Variants in ZNF334 observed in about 807,000 individuals in gnomAD.
ZNF334 encodes the protein zinc finger protein 334.
Under a neutral mutation model 12.4 loss-of-function variants are expected in ZNF334, and 14 were observed. That is an observed-to-expected ratio of 1.13 (90% CI 0.74 to 1.76). ZNF334 has a LOEUF of 1.76. ZNF334 is among the 40% of genes most tolerant of loss of function. The pLI is 0.00. For missense variants in ZNF334, 797 were observed against 804.5 expected (o/e 0.99, Z 0.11); for synonymous variants, 273 against 269.6 (o/e 1.01, Z -0.12).
the ZNF334 span, chr20:46,474,580 C>T: frequency 6.6e-6 from 1 of 152,122 alleles, no homozygotes; most frequent in Non-Finnish European, 1.5e-5. Flanking sequence ...TGATCCAAAT[C>T]CACATCTGTA....
chr20:46,483,404 C>T, the ZNF334 span, among the ~76,000 whole-genome samples: 1 of 151,714 alleles, frequency 6.6e-6, no homozygotes, highest in African/African-American at 2.4e-5. Flanking sequence ...AGATTTTTCT[C>T]CTTTATAAGG....
At chr20:46,483,766 C>T in the ZNF334 span, among the ~76,000 whole-genome samples, 6 of 152,112 alleles carry the variant, frequency 3.9e-5, no homozygotes, top group Admixed American at 3.9e-4. Context: ...GACTCTGCAC[C>T]CTGGCAAGAA....
the ZNF334 span, among the ~76,000 whole-genome samples, chr20:46,468,254 C>T: frequency 6.6e-6 from 1 of 151,524 alleles, no homozygotes; most frequent in African/African-American, 2.4e-5. Flanking sequence ...CTCAGGGACA[C>T]TTCCGCAGTT....
chr20:46,469,470 G>A, the ZNF334 span, among the ~76,000 whole-genome samples: 1,048 of 151,054 alleles, frequency 6.9e-3, 16 homozygotes, highest in African/African-American at 0.024. Context: ...CCAGGTTCAC[G>A]CCATTCTCCT....
chr20:46,462,791 T>C, the ZNF334 span, among the ~76,000 whole-genome samples: 1 of 152,216 alleles, frequency 6.6e-6, no homozygotes, highest in Non-Finnish European at 1.5e-5. Context: ...AAACCAAGTT[T>C]CTCTACTAAG....
Position 46,507,478 on chromosome 20 carries a change from T to C in ZNF334, c.22-2738A>G, listed in dbSNP as rs145483853. ...ATTTGAATACGATAGATAATAATACTGTATTCATGTGAATTTCCTGGTTCT... is the reference window on the plus strand; with the variant it reads ...ATTTGAATACGATAGATAATAATACCGTATTCATGTGAATTTCCTGGTTCT... On this transcript the variant is annotated intron_variant, in intron 2 of 4. Transcript: ENST00000692313. Among the ~76,000 whole-genome samples, 175 of 152,354 alleles carry C rather than the reference T, an allele frequency of 1.1e-3. 1 individual carries two copies. The highest frequency in any genetic ancestry group is 3.5e-3 in the African/African-American group (147 of 41,578).
chr20:46,501,527 T>G lies in ZNF334; in HGVS notation c.1812A>C (p.Glu604Asp). ...HTGEKPYECNECGKSFCHKSA... is the reference protein window; with the variant it reads ...HTGEKPYECNDCGKSFCHKSA... ...ACTTATGGCAGAAGGATTTCCCACA[T>G]TCATTACATTCATATGGTTTCTCCC... Residue 604 changes from glutamate to aspartate, a missense_variant, in exon 5 of 5, where the codon GAA becomes GAC. Transcript: ENST00000692313. 6.2e-7 allele frequency: 1 copy of G among 1,614,134 alleles called. No homozygotes were observed. The highest frequency in any genetic ancestry group is 8.5e-7 in the Non-Finnish European group (1 of 1,179,962).
At chr20:46,479,341 AAATCCC>A in the ZNF334 span, among the ~76,000 whole-genome samples, 3 of 152,136 alleles carry the variant, frequency 2.0e-5, no homozygotes, top group Admixed American at 6.5e-5. Flanking sequence ...GCCAAAACAA[AAATCCC>A]AGGCCCCCCA....
downstream of ZNF334, among the ~76,000 whole-genome samples, chr20:46,495,537 G>A (rs917311423): frequency 2.0e-5 from 3 of 152,024 alleles, no homozygotes; most frequent in Admixed American, 6.6e-5. Context: ...AACAATACTA[G>A]CCAGTGATTT....
At chr20:46,511,532 C>G (rs2061650687) in intron 2 of ZNF334, among the ~76,000 whole-genome samples, 1 of 152,108 alleles carries the variant, frequency 6.6e-6, no homozygotes, top group Non-Finnish European at 1.5e-5. Flanking sequence ...TGAATTGTTC[C>G]CTCTAGAACT....
chr20:46,487,698 T>C, the ZNF334 span, among the ~76,000 whole-genome samples: 1 of 152,234 alleles, frequency 6.6e-6, no homozygotes, highest in African/African-American at 2.4e-5. Context: ...AAAATGTATT[T>C]TGTCTGATAT....
chr20:46,511,259 A>C (rs2061640312), intron 2 of ZNF334, among the ~76,000 whole-genome samples: 1 of 151,536 alleles, frequency 6.6e-6, no homozygotes. Context: ...ATGATTACAG[A>C]GCTACAAAGA....
the ZNF334 span, among the ~76,000 whole-genome samples, chr20:46,476,018 G>A: frequency 1.3e-5 from 2 of 152,178 alleles, no homozygotes; most frequent in South Asian, 2.1e-4. Flanking sequence ...CAGCTCAGAT[G>A]CCTTTTAAAC....
At chr20:46,508,818 G>A (rs1202959185) in intron 2 of ZNF334, among the ~76,000 whole-genome samples, 1 of 152,176 alleles carries the variant, frequency 6.6e-6, no homozygotes, top group Non-Finnish European at 1.5e-5. Flanking sequence ...GAAAAATCCT[G>A]TTTATAATGA....
the ZNF334 span, among the ~76,000 whole-genome samples, chr20:46,479,855 C>G: frequency 6.6e-6 from 1 of 152,182 alleles, no homozygotes; most frequent in African/African-American, 2.4e-5. Flanking sequence ...CTCTCCCCAC[C>G]CGCTTACCTT....
chr20:46,506,618 C>CA (rs879686105), intron 2 of ZNF334: 4 of 318,806 alleles, frequency 1.3e-5, no homozygotes, highest in Non-Finnish European at 2.2e-5. Flanking sequence ...GACCTCATCT[C>CA]AAAAAAACAA....
At chr20:46,468,632 GAT>G in the ZNF334 span, among the ~76,000 whole-genome samples, 1 of 152,098 alleles carries the variant, frequency 6.6e-6, no homozygotes, top group Non-Finnish European at 1.5e-5. Flanking sequence ...ATTATGCAGA[GAT>G]ATTTAGAAAA....
At chr20:46,472,621 A>T in the ZNF334 span, among the ~76,000 whole-genome samples, 1 of 152,202 alleles carries the variant, frequency 6.6e-6, no homozygotes, top group Non-Finnish European at 1.5e-5. Context: ...AAGGATTGGT[A>T]AGAAGGCTAC....
At position 46,508,046 on chromosome 20, in the gene ZNF334, T is replaced by A. The variant is rs193170136; in HGVS notation, c.22-3306A>T. On this transcript the variant is annotated intron_variant, in intron 2 of 4. Transcript: ENST00000692313. ...CTTGCTCAGGCAGACCCAGTGCACT[T>A]CATAGCAGAAAGTCCAAAGTAAGAA... is the stretch of plus-strand genomic sequence containing the variant. Among the ~76,000 whole-genome samples, 4 of 152,294 alleles carry A rather than the reference T, an allele frequency of 2.6e-5. No homozygotes were observed. In the East Asian group the frequency reaches 7.7e-4, roughly 29 times the overall value.
Sources: allele counts gnomAD v4.1 joint callset (sites outside exome capture counted in the v4.1 genomes callset), GRCh38; gene constraint gnomAD v4.1.1; transcripts MANE v1.5; gene names NCBI Gene and HGNC (gene_info 2026-07-23, HGNC 2026-07-21).